HEPHL1: variants seen among roughly 807,000 people sequenced by gnomAD.
HEPHL1 encodes hephaestin like 1.
HEPHL1 carries 123 observed loss-of-function variants against 122.0 expected under a neutral mutation model. The ratio of observed to expected loss-of-function variants is 1.01; its 90% CI spans 0.87 to 1.17. The LOEUF is 1.17. HEPHL1 is among the 50% of genes most tolerant of loss of function. The pLI is 0.00. For synonymous variants in HEPHL1, 527 were observed against 508.9 expected, an observed-to-expected ratio of 1.04 and a Z score of -0.48; for missense variants, 1,452 against 1,430.5, an observed-to-expected ratio of 1.01 and a Z score of -0.24.
chr11:94,101,093 T>G lies in HEPHL1; in HGVS notation c.2435-102T>G, dbSNP rs530737479. 4.8e-5 allele frequency: 65 copies of G among 1,354,990 alleles called. 1 individual carries two copies. The South Asian group carries it at 8.0e-4, about 17-fold the overall frequency. The allele number at this position is 1,354,990 out of a possible 1,614,324, so 83.9% of individuals were successfully genotyped here. A position where few individuals can be genotyped will look rare whatever the true frequency, so the allele number is the denominator to read the frequency against. On this transcript the variant is annotated intron_variant, in intron 13 of 19. Transcript: ENST00000315765. ...TATATGCCTTTCTCGGAAAAACAAC[T>G]AAAGCCAAACTATTTTATTTGACTA...
intron 14 of HEPHL1, among the ~76,000 whole-genome samples, chr11:94,101,615 C>T (rs1946367910): frequency 2.0e-5 from 3 of 152,166 alleles, no homozygotes; most frequent in Admixed American, 2.0e-4. Context: ...TCATTATCCC[C>T]TAAAGCCCAT....
At chr11:94,027,333 G>A (rs1169252336) in intron 1 of HEPHL1, among the ~76,000 whole-genome samples, 1 of 152,110 alleles carries the variant, frequency 6.6e-6, no homozygotes. Flanking sequence ...TGAGGACTGC[G>A]GAGTTATCTT....
chr11:94,086,156 G>A lies in HEPHL1; in HGVS notation c.2047G>A (p.Ala683Thr). 6.2e-7 allele frequency: 1 copy of A among 1,612,164 alleles called. No individual in the cohort carries two copies. Among genetic ancestry groups the A allele is most frequent in the Non-Finnish European group, 8.5e-7 (1 of 1,179,444 alleles). ...CTCCCTGGCCCTGTTTCCCCACATG[G>A]CCACAACAGCATTCATGCAGCCAGA... ...RDSLALFPHM[A>T]TTAFMQPDHA... Residue 683 changes from alanine (A) to threonine (T), a missense_variant, in exon 11 of 20, where the codon GCC becomes ACC. Ala to Thr is a moderately conservative substitution (Grantham distance 58). Transcript: ENST00000315765.
chr11:94,042,818 A>G (rs1945795300), intron 1 of HEPHL1, among the ~76,000 whole-genome samples: 1 of 142,324 alleles, frequency 7.0e-6, no homozygotes, highest in Admixed American at 7.3e-5. Flanking sequence ...TGGCACATGT[A>G]TACATATGTA....
rs373750549 is a variant in HEPHL1, at chr11:94,045,706, C to T, written c.204C>T (p.Asn68=). ...LATLFLERGP[N]RIGSIYKKAV... Reference sequence around the variant, plus strand: ...CCTTATTTCTCGAAAGAGGGCCCAACAGGATAGGCAGTATTTACAAAAAGG... The same window carrying T: ...CCTTATTTCTCGAAAGAGGGCCCAATAGGATAGGCAGTATTTACAAAAAGG... The change falls in exon 2 of 20, where the codon AAC becomes AAT. Residue 68 remains asparagine, a synonymous_variant. Transcript: ENST00000315765. 179 of 1,611,392 alleles carry T rather than the reference C, an allele frequency of 1.1e-4. No individual in the cohort carries two copies. Among genetic ancestry groups the T allele is most frequent in the Non-Finnish European group, 1.4e-4 (170 of 1,178,654 alleles).
chr11:94,104,539 T>C lies in HEPHL1; in HGVS notation c.2694T>C (p.Ser898=), dbSNP rs995822134. Residue 898 remains serine (S), a synonymous_variant, in exon 16 of 20, where the codon AGT becomes AGC. Transcript: ENST00000315765. The part of the protein sequence containing the change: ...STVNFVKDTY[S]GLMGPLITCR... ...ATTTTTTCTTCCAGGATACGTATAG[T>C]GGTTTGATGGGTCCTCTGATTACAT... 4 of 1,610,826 alleles carry C rather than the reference T, an allele frequency of 2.5e-6. No individual in the cohort carries two copies. The highest frequency in any genetic ancestry group is 3.3e-5 in the Admixed American group (2 of 59,988).
At chr11:94,096,477 GTC>G (rs1257252472) in intron 13 of HEPHL1, among the ~76,000 whole-genome samples, 1 of 152,076 alleles carries the variant, frequency 6.6e-6, no homozygotes, top group African/African-American at 2.4e-5. Flanking sequence ...TGGTCTAAAA[GTC>G]TCTTTTTTGG....
intron 13 of HEPHL1, among the ~76,000 whole-genome samples, chr11:94,095,803 T>C (rs1044740956): frequency 1.3e-5 from 2 of 151,698 alleles, no homozygotes; most frequent in South Asian, 2.1e-4. Context: ...TGGGAGTTCA[T>C]GATTTAGCTC....
Position 94,085,985 on chromosome 11 carries a change from G to T in HEPHL1, c.1876G>T (p.Gly626Cys). ...VKSNRMHAVN[G>C]YMYGNQPGLN... is the part of the protein sequence containing the mutation. The stretch of plus-strand genomic sequence containing the variant: ...TTTCTTCTTCCATTTAGCTGTTAAC[G>T]GCTACATGTATGGCAACCAGCCAGG... Residue 626 changes from glycine to cysteine, a missense_variant, in exon 11 of 20, where the codon GGC becomes TGC. Gly to Cys is a radical substitution (Grantham distance 159). Coordinates refer to ENST00000315765, the MANE Select transcript of HEPHL1 (RefSeq NM_001098672.2). 24 of 1,612,892 alleles carry T rather than the reference G, an allele frequency of 1.5e-5. No individual in the cohort carries two copies. Among genetic ancestry groups the T allele is most frequent in the Non-Finnish European group, 2.0e-5 (24 of 1,179,122 alleles).
intron 17 of HEPHL1, among the ~76,000 whole-genome samples, chr11:94,108,983 T>A (rs1358306544): frequency 6.6e-6 from 1 of 152,130 alleles, no homozygotes; most frequent in Non-Finnish European, 1.5e-5. Flanking sequence ...TATTGAGGCT[T>A]CCAATCCATG....
intron 9 of HEPHL1, among the ~76,000 whole-genome samples, chr11:94,075,744 T>C (rs1946118124): frequency 6.6e-6 from 1 of 152,138 alleles, no homozygotes; most frequent in Admixed American, 6.6e-5. Flanking sequence ...TTGGGGACCA[T>C]TTAAACATCC....
At chr11:94,055,694 T>C in intron 2 of HEPHL1, 2 of 388,356 alleles carry the variant, frequency 5.1e-6, no homozygotes, top group Non-Finnish European at 1.0e-5. Flanking sequence ...TGGAAGACAA[T>C]GCACTCTGTG....
chr11:94,076,766 A>C (rs1393752680), intron 9 of HEPHL1, among the ~76,000 whole-genome samples: 1 of 152,192 alleles, frequency 6.6e-6, no homozygotes, highest in East Asian at 1.9e-4. Context: ...GTCTTCTTCT[A>C]GGCAGGTGGA....
At chr11:94,091,842 G>C (rs1017298065) in intron 12 of HEPHL1, among the ~76,000 whole-genome samples, 3 of 152,190 alleles carry the variant, frequency 2.0e-5, no homozygotes, top group Non-Finnish European at 4.4e-5. Context: ...TAAAGGCCTG[G>C]AGGTGAGGGA....
chr11:94,053,202 C>G (rs2134420497), intron 2 of HEPHL1, among the ~76,000 whole-genome samples: 1 of 152,064 alleles, frequency 6.6e-6, no homozygotes, highest in South Asian at 2.1e-4. Flanking sequence ...TAACTTGTGT[C>G]TTCCTAGAAA....
At chr11:94,086,277 CTT>C in intron 11 of HEPHL1, 88 bp downstream of exon 11, 1 of 931,686 alleles carries the variant, frequency 1.1e-6, no homozygotes, top group Non-Finnish European at 1.7e-6. Context: ...AATTGGTAGA[CTT>C]TGTGCACTTC....
intron 15 of HEPHL1, 25 bp downstream of exon 15, chr11:94,103,045 G>A (rs1946380968): frequency 1.5e-6 from 2 of 1,318,726 alleles, no homozygotes; most frequent in African/African-American, 2.9e-5. Flanking sequence ...GCAACCAAAA[G>A]GCTTAAAATA....
rs1945888124 is a variant in HEPHL1, at chr11:94,051,308, G to T, written c.415+5391G>T. Among the ~76,000 whole-genome samples, 4 of 152,074 alleles carry T rather than the reference G, an allele frequency of 2.6e-5. No homozygotes were observed. The South Asian group carries it at 8.3e-4, about 32-fold the overall frequency. The stretch of plus-strand genomic sequence containing the variant: ...TTCCATTTTCTCCACATCCTCACTA[G>T]CATTTTTTATTGCCTGTCTGTTGAA... On this transcript the variant is annotated intron_variant, in intron 2 of 19. Coordinates refer to ENST00000315765, the MANE Select transcript of HEPHL1 (RefSeq NM_001098672.2).
intron 1 of HEPHL1, among the ~76,000 whole-genome samples, chr11:94,026,377 A>G (rs1387510301): frequency 6.6e-6 from 1 of 152,188 alleles, no homozygotes; most frequent in Non-Finnish European, 1.5e-5. Context: ...TTTCTGCCTG[A>G]ATAAAGATAG....
Sources: allele counts gnomAD v4.1 joint callset (sites outside exome capture counted in the v4.1 genomes callset), GRCh38; gene constraint gnomAD v4.1.1; transcripts MANE v1.5; gene names NCBI Gene and HGNC (gene_info 2026-07-23, HGNC 2026-07-21).